FSHR: variants seen among roughly 807,000 people sequenced by gnomAD.
The protein encoded by FSHR is follicle-stimulating hormone receptor.
In FSHR, 46 loss-of-function variants were observed where a neutral mutation model predicts 52.1. The ratio of observed to expected loss-of-function variants is 0.88; its 90% CI spans 0.70 to 1.13. The LOEUF is 1.13. Ranked by LOEUF, FSHR falls within the 50% of genes most tolerant of loss-of-function variation. The pLI, the probability that FSHR is intolerant of heterozygous loss-of-function variation, is 0.00. For missense variants in FSHR, 964 were observed against 834.6 expected (o/e 1.16, Z -1.91); for synonymous variants, 399 against 309.6 (o/e 1.29, Z -3.03).
At position 48,987,837 on chromosome 2, in the gene FSHR, AACACACAC is replaced by A. The variant is rs72108367; in HGVS notation, c.524+1132_524+1139del. Among the ~76,000 whole-genome samples the A allele has an allele frequency of 1.3e-3, 184 of 146,134 alleles. 1 individual carries two copies. The highest frequency in any genetic ancestry group is 3.6e-3 in the African/African-American group (141 of 39,628). On this transcript the variant is annotated intron_variant, in intron 6 of 9. Transcript: ENST00000406846. ...TTTCTGCACCCCATCACCTCATCTCAACACACACACACACACACACACACACACACACA... is the reference window on the plus strand; with the variant it reads ...TTTCTGCACCCCATCACCTCATCTCAACACACACACACACACACACACACA...
Position 48,963,926 on chromosome 2 carries a change from G to C in FSHR, c.895C>G (p.Gln299Glu). Residue 299 changes from glutamine (Q) to glutamate (E), a missense_variant, in exon 10 of 10, where the codon CAA becomes GAA. Transcript: ENST00000406846. The part of the protein sequence containing the change: ...HPICNKSILR[Q>E]EVDYMTQARG... ...GCCTGAGTCATATAATCAACTTCTT[G>C]CCTTAAAATAGATTTGTTGCAAATT... 1.2e-6 allele frequency: 2 copies of C among 1,613,782 alleles called. No individual in the cohort carries two copies. The highest frequency in any genetic ancestry group is 1.7e-6 in the Non-Finnish European group (2 of 1,179,880).
At chr2:49,025,293 T>A (rs1199677639) in intron 2 of FSHR, among the ~76,000 whole-genome samples, 1 of 152,196 alleles carries the variant, frequency 6.6e-6, no homozygotes, top group African/African-American at 2.4e-5. Context: ...AATCTAAAGA[T>A]GAATAAAATG....
At chr2:48,987,837 AACACAC>A (rs72108367) in intron 6 of FSHR, among the ~76,000 whole-genome samples, 3,189 of 146,030 alleles carry the variant, frequency 0.022, 59 homozygotes, top group African/African-American at 0.048. Context: ...ACCTCATCTC[AACACAC>A]ACACACACAC....
chr2:48,992,460 C>G (rs1259027880), intron 4 of FSHR, among the ~76,000 whole-genome samples: 5 of 152,210 alleles, frequency 3.3e-5, no homozygotes, highest in South Asian at 2.1e-4. Flanking sequence ...CAAAGATGCT[C>G]TCCACACAGC....
chr2:49,069,567 A>G (rs1669652061), intron 1 of FSHR, among the ~76,000 whole-genome samples: 2 of 152,110 alleles, frequency 1.3e-5, no homozygotes, highest in African/African-American at 2.4e-5. Context: ...CCATGAGGGC[A>G]AAAATGTTTG....
chr2:48,992,057 C>A (rs1172562836), intron 4 of FSHR, among the ~76,000 whole-genome samples: 2 of 151,844 alleles, frequency 1.3e-5, no homozygotes, highest in African/African-American at 4.8e-5. Context: ...CCCTAATGTC[C>A]ACATAGAAGC....
chr2:49,134,440 A>G (rs1672411820), intron 1 of FSHR, among the ~76,000 whole-genome samples: 1 of 152,244 alleles, frequency 6.6e-6, no homozygotes, highest in Non-Finnish European at 1.5e-5. Flanking sequence ...GATGTGGAGA[A>G]ATAGGAATGC....
At chr2:49,065,487 T>G (rs559720791) in intron 2 of FSHR, among the ~76,000 whole-genome samples, 1 of 152,166 alleles carries the variant, frequency 6.6e-6, no homozygotes, top group South Asian at 2.1e-4. Context: ...GAGACTGGAT[T>G]TTCCTTGTTT....
chr2:49,055,155 C>G (rs1023783175), intron 2 of FSHR, among the ~76,000 whole-genome samples: 6 of 151,830 alleles, frequency 4.0e-5, no homozygotes, highest in African/African-American at 1.5e-4. Context: ...CAACTCATAA[C>G]TTGAGTGAGA....
Position 48,963,119 on chromosome 2 carries a change from T to A in FSHR, c.1702A>T (p.Thr568Ser). The change falls in exon 10 of 10, where the codon ACC becomes TCC. Residue 568 changes from threonine (T) to serine (S), a missense_variant. Coordinates refer to ENST00000406846, the MANE Select transcript of FSHR (RefSeq NM_000145.4). ...ATGGCCATGCGCTTGGCGATCCTGGTGTCACTAGAGGAGGACACGATGTTG... is the reference window on the plus strand; with the variant it reads ...ATGGCCATGCGCTTGGCGATCCTGGAGTCACTAGAGGAGGACACGATGTTG... ...NPNIVSSSSD[T>S]RIAKRMAMLI... 6.2e-7 allele frequency: 1 copy of A among 1,614,006 alleles called. No homozygotes were observed.
At position 49,024,361 on chromosome 2, in the gene FSHR, G is replaced by A. The variant is rs557659784; in HGVS notation, c.225-4201C>T. Among the ~76,000 whole-genome samples the A allele has an allele frequency of 7.5e-4, 114 of 152,112 alleles. No homozygotes were observed. The Middle Eastern group carries it at 0.014, about 18-fold the overall frequency. ...AGGCTGAGATGGGTGGATCACCTGA[G>A]GTCAGGAGTTTGAGACCAGCCTGAG... On this transcript the variant is annotated intron_variant, in intron 2 of 9. Coordinates refer to ENST00000406846, the MANE Select transcript of FSHR (RefSeq NM_000145.4).
chr2:49,019,586 A>G (rs1445810314), intron 3 of FSHR, among the ~76,000 whole-genome samples: 1 of 152,202 alleles, frequency 6.6e-6, no homozygotes, highest in Admixed American at 6.5e-5. Context: ...ATTGACATTT[A>G]TCTTCTTTAT....
intron 8 of FSHR, among the ~76,000 whole-genome samples, chr2:48,980,311 A>G (rs1250894035): frequency 6.6e-6 from 1 of 152,192 alleles, no homozygotes; most frequent in Non-Finnish European, 1.5e-5. Context: ...TGTAAATTGT[A>G]TTCCCTTAAT....
chr2:49,056,538 GGAGA>G (rs1669072407), intron 2 of FSHR, among the ~76,000 whole-genome samples: 1 of 144,322 alleles, frequency 6.9e-6, no homozygotes, highest in Non-Finnish European at 1.5e-5. Context: ...AGACCTAAAG[GGAGA>G]GATAGACCGC....
intron 1 of FSHR, among the ~76,000 whole-genome samples, chr2:49,079,052 A>G (rs907063648): frequency 1.3e-5 from 2 of 152,184 alleles, no homozygotes; most frequent in African/African-American, 4.8e-5. Flanking sequence ...GCTGATAAGA[A>G]AGTCTAGTTA....
intron 9 of FSHR, among the ~76,000 whole-genome samples, chr2:48,966,170 A>G (rs1051257971): frequency 6.6e-6 from 1 of 152,224 alleles, no homozygotes; most frequent in Non-Finnish European, 1.5e-5. Flanking sequence ...ACAGAGTATT[A>G]CAGTGCTTGG....
intron 2 of FSHR, among the ~76,000 whole-genome samples, chr2:49,058,812 C>T (rs1164959482): frequency 6.6e-6 from 1 of 152,048 alleles, no homozygotes; most frequent in Non-Finnish European, 1.5e-5. Flanking sequence ...AGGATACAAA[C>T]CAATGGAAAA....
chr2:48,967,815 G>T (rs1186623134), intron 9 of FSHR, among the ~76,000 whole-genome samples: 1 of 152,200 alleles, frequency 6.6e-6, no homozygotes, highest in African/African-American at 2.4e-5. Flanking sequence ...GGAGGAGACT[G>T]TGTTAAACAG....
At chr2:49,129,584 G>A (rs1204945263) in intron 1 of FSHR, among the ~76,000 whole-genome samples, 1 of 152,136 alleles carries the variant, frequency 6.6e-6, no homozygotes, top group Admixed American at 6.5e-5. Context: ...ATAACACAGT[G>A]TTAGGATTCC....
Sources: allele counts gnomAD v4.1 joint callset (sites outside exome capture counted in the v4.1 genomes callset), GRCh38; gene constraint gnomAD v4.1.1; transcripts MANE v1.5; gene names NCBI Gene and HGNC (gene_info 2026-07-23, HGNC 2026-07-21).